STPG1: variants seen among roughly 807,000 people sequenced by gnomAD.
STPG1 encodes sperm tail PG-rich repeat containing 1.
In STPG1, 33 loss-of-function variants were observed where a neutral mutation model predicts 40.1. That is an observed-to-expected ratio of 0.82 (90% CI 0.62 to 1.10). STPG1 has a LOEUF of 1.10. Among genes scored for constraint, STPG1 ranks in the 50% least tolerant of loss-of-function variants. The pLI is 0.00. For missense variants in STPG1, 396 were observed against 415.1 expected (o/e 0.95, Z 0.40); for synonymous variants, 150 against 155.0 (o/e 0.97, Z 0.24).
chr1:24,371,817 G>A (rs1320925077), intron 6 of STPG1, among the ~76,000 whole-genome samples: 3 of 152,160 alleles, frequency 2.0e-5, no homozygotes, highest in Non-Finnish European at 4.4e-5. Flanking sequence ...AGAGCCAGCC[G>A]CCAGGAAGCT....
At chr1:24,413,911 G>A (rs895312494), upstream of STPG1, 3 of 152,254 alleles carry the variant, frequency 2.0e-5, no homozygotes, top group African/African-American at 7.2e-5. Flanking sequence ...CTGTAGCGGG[G>A]TGGGGAACTA....
At chr1:24,407,785 C>A (rs1643472091) in intron 1 of STPG1, among the ~76,000 whole-genome samples, 5 of 152,138 alleles carry the variant, frequency 3.3e-5, no homozygotes, top group Admixed American at 3.3e-4. Flanking sequence ...CCATCCATTG[C>A]ATTCTTATTT....
At chr1:24,407,869 AT>A (rs1213788034) in intron 1 of STPG1, among the ~76,000 whole-genome samples, 1 of 152,130 alleles carries the variant, frequency 6.6e-6, no homozygotes, top group African/African-American at 2.4e-5. Flanking sequence ...TAGCCTCATC[AT>A]GTTCAGTTTC....
rs6665910 is a variant in STPG1, at chr1:24,359,014, A to C, written c.929-395T>G. Reference sequence around the variant, plus strand: ...CCATGACAATTGCGGACATGGTTCTATAGGAGATGAGCAGGGCTTGGGAAC... The same window carrying C: ...CCATGACAATTGCGGACATGGTTCTCTAGGAGATGAGCAGGGCTTGGGAAC... On this transcript the variant is annotated intron_variant, in intron 8 of 8. Transcript: ENST00000337248. This position sits in a 1 kb window ranked among gnomAD's most constrained non-coding sequence, Gnocchi z 5.3. Among the ~76,000 whole-genome samples, 47,126 of 152,088 alleles carry C rather than the reference A, an allele frequency of 0.31. 11,133 individuals are homozygous for C. The highest frequency in any genetic ancestry group is 0.67 in the African/African-American group (27,677 of 41,438).
intron 2 of STPG1, among the ~76,000 whole-genome samples, chr1:24,396,182 T>C (rs768324151): frequency 1.3e-5 from 2 of 152,208 alleles, no homozygotes; most frequent in Non-Finnish European, 2.9e-5. Flanking sequence ...TAAAGATATA[T>C]ACTATAAACT....
At position 24,369,711 on chromosome 1, in the gene STPG1, T is replaced by G. The variant is rs765027605; in HGVS notation, c.700A>C (p.Ser234Arg). The change falls in exon 7 of 9, where the codon AGT becomes CGT. Residue 234 changes from serine to arginine, a missense_variant. Transcript: ENST00000337248. The part of the protein sequence containing the change: ...TGPGPGYYNP[S>R]DCTKVPKKTL... The stretch of plus-strand genomic sequence containing the variant: ...TTTTTTGGAACTTTTGTGCAATCAC[T>G]GGGGTTGTAATAACCAGGTCCCGGG... The G allele has an allele frequency of 1.1e-5, 17 of 1,606,722 alleles. No individual in the cohort carries two copies. The South Asian group carries it at 1.9e-4, about 18-fold the overall frequency.
In STPG1 at chr1:24,369,830, T is replaced by A; in HGVS notation, c.581A>T (p.Asp194Val). The A allele has an allele frequency of 6.2e-7, 1 of 1,604,660 alleles. No homozygotes were observed. The highest frequency in any genetic ancestry group is 8.5e-7 in the Non-Finnish European group (1 of 1,174,032). Reference protein sequence around the residue: ...ADKGPPPGHYDINESLVKQSP... With the variant: ...ADKGPPPGHYVINESLVKQSP... ...CTGCTTCACAAGGGATTCGTTGATATCATAATGCCCTAAGGAGAAAGAAAT... is the reference window on the plus strand; with the variant it reads ...CTGCTTCACAAGGGATTCGTTGATAACATAATGCCCTAAGGAGAAAGAAAT... Residue 194 changes from aspartate (D) to valine (V), a missense_variant, in exon 7 of 9, where the codon GAT (aspartate) becomes GTT (valine). Asp to Val is a radical substitution (Grantham distance 152). Coordinates refer to ENST00000337248, the MANE Select transcript of STPG1 (RefSeq NM_001199013.2).
intron 3 of STPG1, among the ~76,000 whole-genome samples, chr1:24,388,312 G>A (rs1287011216): frequency 4.6e-5 from 7 of 152,170 alleles, no homozygotes; most frequent in African/African-American, 7.2e-5. Flanking sequence ...GAAAATGGCC[G>A]GCAGGCTGCT....
chr1:24,366,095 C>A (rs1557433250), intron 7 of STPG1, among the ~76,000 whole-genome samples: 1 of 152,224 alleles, frequency 6.6e-6, no homozygotes, highest in South Asian at 2.1e-4. Context: ...CTGAAGAAAG[C>A]AGATCCAGAA....
In STPG1 at chr1:24,358,392, G is replaced by C. The variant is rs1391327053; in HGVS notation, c.*151C>G. 6.7e-6 allele frequency: 5 copies of C among 743,684 alleles called. No individual in the cohort carries two copies. The East Asian group carries it at 1.3e-4, about 19-fold the overall frequency. 46.1% of individuals were successfully genotyped at this position (743,684 alleles called of 1,614,324 possible). A position where few individuals can be genotyped will look rare whatever the true frequency, so the allele number is the denominator to read the frequency against. On this transcript the variant is annotated 3_prime_UTR_variant, in exon 9 of 9. Coordinates refer to ENST00000337248, the MANE Select transcript of STPG1 (RefSeq NM_001199013.2). Reference sequence around the variant, plus strand: ...GCTCAAGACAAAGGCAATGGCAGCAGTCCGGCTAGGATGCCAGGCCAGAGT... The same window carrying C: ...GCTCAAGACAAAGGCAATGGCAGCACTCCGGCTAGGATGCCAGGCCAGAGT...
upstream of STPG1, chr1:24,414,016 A>G (rs1196246088): frequency 2.0e-5 from 3 of 152,110 alleles, no homozygotes; most frequent in Non-Finnish European, 4.4e-5. Flanking sequence ...CAAGGAATAT[A>G]CCTAAAAGAA....
chr1:24,371,414 A>G (rs1165387556), intron 6 of STPG1, among the ~76,000 whole-genome samples: 1 of 151,602 alleles, frequency 6.6e-6, no homozygotes, highest in Non-Finnish European at 1.5e-5. Context: ...ATGGTGAGAC[A>G]CCATCTCTAC....
chr1:24,385,751 A>T lies in STPG1; in HGVS notation c.190-1748T>A, dbSNP rs958842323. ...AAATGAGATTACATAGGATTAAAAA[A>T]ATCCCCACCGGGTTATGAATCAGAA... On this transcript the variant is annotated intron_variant, in intron 3 of 8. Coordinates refer to ENST00000337248, the MANE Select transcript of STPG1 (RefSeq NM_001199013.2). Among the ~76,000 whole-genome samples the T allele has an allele frequency of 2.0e-5, 3 of 152,202 alleles. No homozygotes were observed. In the East Asian group the frequency reaches 5.8e-4, roughly 29 times the overall value.
rs751943695 is a variant in STPG1 at position 24,360,880 on chromosome 1, G to A, written c.899C>T (p.Ala300Val). 1.1e-5 allele frequency: 17 copies of A among 1,613,188 alleles called. No homozygotes were observed. The highest frequency in any genetic ancestry group is 3.3e-5 in the South Asian group (3 of 90,856). The change falls in exon 8 of 9, where the codon GCG (alanine) becomes GTG (valine). Residue 300 changes from alanine (A) to valine (V), a missense_variant. Transcript: ENST00000337248. Reference protein sequence around the residue: ...FVSNTSRWTAAPPQPGLPGPA... With the variant: ...FVSNTSRWTAVPPQPGLPGPA... ...GCCAGGCAGGCCTGGCTGAGGCGGC[G>A]CCGCTGTCCACCGGCTGGTATTGGA...
intron 3 of STPG1, 161 bp downstream of exon 3, chr1:24,391,400 T>C: frequency 2.1e-6 from 1 of 472,656 alleles, no homozygotes; most frequent in Non-Finnish European, 3.8e-6. Flanking sequence ...TTCTTACAGT[T>C]AGTCCAGTCG....
At chr1:24,385,431 C>A (rs760125275) in intron 3 of STPG1, among the ~76,000 whole-genome samples, 1 of 152,040 alleles carries the variant, frequency 6.6e-6, no homozygotes, top group Non-Finnish European at 1.5e-5. Context: ...CACCCCAGGC[C>A]GAGAGCCCAG....
chr1:24,376,279 C>T lies in STPG1; in HGVS notation c.463-2469G>A, dbSNP rs1557441945. Among the ~76,000 whole-genome samples the T allele has an allele frequency of 2.0e-5, 3 of 152,192 alleles. No individual in the cohort carries two copies. In the South Asian group the frequency reaches 6.2e-4, roughly 31 times the overall value. ...CAGGTGATCTGTCCACCTTGGCCTC[C>T]CAAAGTGCTGGGATTACAGGCGTGA... On this transcript the variant is annotated intron_variant, in intron 5 of 8. Transcript: ENST00000337248.
intron 7 of STPG1, among the ~76,000 whole-genome samples, chr1:24,368,053 C>T (rs1047532198): frequency 2.6e-5 from 4 of 152,024 alleles, no homozygotes; most frequent in African/African-American, 7.2e-5. Context: ...AGCCTGGAGG[C>T]GGGAGGTCTC....
At chr1:24,376,019 T>C (rs1482059610) in intron 5 of STPG1, among the ~76,000 whole-genome samples, 2 of 152,058 alleles carry the variant, frequency 1.3e-5, no homozygotes, top group African/African-American at 2.4e-5. Context: ...AGAAATTGCA[T>C]CTGGTTTTTG....
Sources: gnomAD v4.1 joint callset for allele counts (sites outside exome capture counted in the v4.1 genomes callset) on GRCh38, gnomAD v4.1.1 for gene constraint, Gnocchi (gnomAD v3.1) non-coding constraint, MANE v1.5 for transcripts, NCBI Gene and HGNC (gene_info 2026-07-23, HGNC 2026-07-21) for gene names.